The following LPCAT1 variants were observed in gnomAD, a reference collection of about 807,000 sequenced individuals.
The protein encoded by LPCAT1 is 1-acylglycerol-3-phosphate O-acyltransferase.
A neutral mutation model predicts 60.9 loss-of-function variants in LPCAT1; 23 were observed. That is an observed-to-expected ratio of 0.38 (90% CI 0.27 to 0.53). The LOEUF (loss-of-function observed/expected upper bound fraction) is 0.53. Ranked by LOEUF, LPCAT1 falls within the 20% of genes least tolerant of loss-of-function variation. The pLI, the probability that LPCAT1 is intolerant of heterozygous loss-of-function variation, is 0.82. For synonymous variants in LPCAT1, 340 were observed against 301.1 expected, an observed-to-expected ratio of 1.13 and a Z score of -1.34; for missense variants, 622 against 723.6, an observed-to-expected ratio of 0.86 and a Z score of 1.61.
intron 2 of LPCAT1, among the ~76,000 whole-genome samples, chr5:1,499,260 C>T (rs1735919385): frequency 6.6e-6 from 1 of 152,220 alleles, no homozygotes; most frequent in Admixed American, 6.5e-5. Flanking sequence ...TCGCACGGGG[C>T]TCCTGCCTCC....
Position 1,466,786 on chromosome 5 carries a change from T to C in LPCAT1, c.1383A>G (p.Arg461=). The change falls in exon 13 of 14, where the codon CGA becomes CGG. Residue 461 remains arginine (R), a synonymous_variant. Transcript: ENST00000283415. ...TCCCCTTCTCCTCTTGGTCAATGGC[T>C]CGGAATAGGTCGGTCACGGTGAGCT... The part of the protein sequence containing the change: ...VAELTVTDLF[R]AIDQEEKGKI... 6.2e-7 allele frequency: 1 copy of C among 1,612,708 alleles called. No homozygotes were observed. Among genetic ancestry groups the C allele is most frequent in the South Asian group, 1.1e-5 (1 of 90,890 alleles).
chr5:1,475,823 C>T (rs934073631), intron 9 of LPCAT1, among the ~76,000 whole-genome samples: 2 of 101,060 alleles, frequency 2.0e-5, no homozygotes, highest in Non-Finnish European at 4.9e-5. Context: ...TGCACGGCCC[C>T]GCCCAGGCCC....
intron 9 of LPCAT1, 74 bp from the exon 10 acceptor site, chr5:1,474,759 C>A: frequency 2.6e-6 from 4 of 1,543,174 alleles, no homozygotes; most frequent in Non-Finnish European, 3.5e-6. Context: ...AGAATAACCG[C>A]CGATGGCTCA....
intron 3 of LPCAT1, among the ~76,000 whole-genome samples, chr5:1,491,532 T>C (rs912563264): frequency 1.3e-5 from 2 of 152,076 alleles, no homozygotes; most frequent in African/African-American, 2.4e-5. Context: ...AGTGAAGTCT[T>C]GGGCCGTGCG....
At chr5:1,511,193 C>T (rs956704389) in intron 1 of LPCAT1, among the ~76,000 whole-genome samples, 1 of 152,216 alleles carries the variant, frequency 6.6e-6, no homozygotes, top group South Asian at 2.1e-4. Flanking sequence ...ACAGCACCTC[C>T]GACTGCGACC....
At chr5:1,484,493 G>C (rs1244968028) in intron 5 of LPCAT1, among the ~76,000 whole-genome samples, 1 of 152,222 alleles carries the variant, frequency 6.6e-6, no homozygotes, top group Admixed American at 6.5e-5. Flanking sequence ...CTGAGGCCAG[G>C]CGAGTGAATC....
chr5:1,504,714 CAAA>C (rs11463524), intron 1 of LPCAT1, among the ~76,000 whole-genome samples: 1 of 102,066 alleles, frequency 9.8e-6, no homozygotes, highest in Non-Finnish European at 2.2e-5. Flanking sequence ...ATCTCCGTCC[CAAA>C]AAAAAAAAAA....
rs1736745088 is a variant in LPCAT1, at chr5:1,523,669, G to T, written c.135+41C>A. The T allele has an allele frequency of 1.9e-6, 2 of 1,067,690 alleles. No homozygotes were observed. Among genetic ancestry groups the T allele is most frequent in the East Asian group, 6.6e-5 (1 of 15,086 alleles). 66.1% of individuals were successfully genotyped at this position (1,067,690 alleles called of 1,614,324 possible). On this transcript the variant is annotated intron_variant, in intron 1 of 13. Transcript: ENST00000283415. The surrounding 1 kb of genome is among the most constrained non-coding windows in gnomAD (Gnocchi z 7.1). Reference sequence around the variant, plus strand: ...CCTCCCTGGCCCCAGCATCCCTGGCGTCCGCGCCGGCTCCCGGGGCCGCGC... The same window carrying T: ...CCTCCCTGGCCCCAGCATCCCTGGCTTCCGCGCCGGCTCCCGGGGCCGCGC...
chr5:1,514,639 C>T (rs1301886295), intron 1 of LPCAT1, among the ~76,000 whole-genome samples: 1 of 152,206 alleles, frequency 6.6e-6, no homozygotes, highest in Non-Finnish European at 1.5e-5. Context: ...GCCGCCAGGC[C>T]GAGGTCTGCA....
At position 1,515,432 on chromosome 5, in the gene LPCAT1, G is replaced by A. The variant is rs532776879; in HGVS notation, c.135+8278C>T. On this transcript the variant is annotated intron_variant, in intron 1 of 13. Transcript: ENST00000283415. ...CTGTACACCCTGCGCCACACTACCCGCAAATACAAGGTCCCCCACCTCCCC... is the reference window on the plus strand; with the variant it reads ...CTGTACACCCTGCGCCACACTACCCACAAATACAAGGTCCCCCACCTCCCC... Among the ~76,000 whole-genome samples, 235 of 148,760 alleles carry A rather than the reference G, an allele frequency of 1.6e-3. 3 individuals carry two copies. The highest frequency in any genetic ancestry group is 3.6e-3 in the South Asian group (17 of 4,682).
At position 1,495,317 on chromosome 5, in the gene LPCAT1, G is replaced by A. The variant is rs927603066; in HGVS notation, c.279-403C>T. Reference sequence around the variant, plus strand: ...GGAAAAACATTAAAACACCTAAAACGCATATCGCAATATGGGGGGGGGGGC... The same window carrying A: ...GGAAAAACATTAAAACACCTAAAACACATATCGCAATATGGGGGGGGGGGC... On this transcript the variant is annotated intron_variant, in intron 2 of 13. Transcript: ENST00000283415. The surrounding 1 kb of genome is among the most constrained non-coding windows in gnomAD (Gnocchi z 4.7). 8.3e-6 allele frequency among the ~76,000 whole-genome samples: 1 copy of A among 120,944 alleles called. No homozygotes were observed. Among genetic ancestry groups the A allele is most frequent in the African/African-American group, 3.4e-5 (1 of 29,754 alleles). 79.3% of individuals were successfully genotyped at this position (120,944 alleles called of 152,430 possible).
At position 1,487,027 on chromosome 5, in the gene LPCAT1, G is replaced by A. The variant is rs1735396404; in HGVS notation, c.667+1364C>T. Among the ~76,000 whole-genome samples, 4 of 152,184 alleles carry A rather than the reference G, an allele frequency of 2.6e-5. No individual in the cohort carries two copies. In the East Asian group the frequency reaches 7.7e-4, roughly 29 times the overall value. ...CACGCCCTCCTCACGTCTACACAAG[G>A]GCCGCCAGCTCCAAAGGGCAAGGCG... On this transcript the variant is annotated intron_variant, in intron 5 of 13. Transcript: ENST00000283415. The surrounding 1 kb of genome is among the most constrained non-coding windows in gnomAD (Gnocchi z 6.1).
chr5:1,491,205 A>G (rs1463510957), intron 3 of LPCAT1, among the ~76,000 whole-genome samples: 1 of 100,260 alleles, frequency 1.0e-5, no homozygotes, highest in Non-Finnish European at 2.4e-5. Context: ...CAACTCTGCT[A>G]AAAAGGACGA....
intron 2 of LPCAT1, among the ~76,000 whole-genome samples, chr5:1,498,942 C>CA (rs1735908798): frequency 6.6e-6 from 1 of 151,516 alleles, no homozygotes; most frequent in Non-Finnish European, 1.5e-5. Context: ...CACATACACA[C>CA]CCTCTCTGCA....
In LPCAT1 at chr5:1,487,278, G is replaced by T. The variant is rs1735406036; in HGVS notation, c.667+1113C>A. Among the ~76,000 whole-genome samples the T allele has an allele frequency of 6.6e-6, 1 of 152,214 alleles. No individual in the cohort carries two copies. Among genetic ancestry groups the T allele is most frequent in the African/African-American group, 2.4e-5 (1 of 41,456 alleles). ...CGCCCAGGCACGGACCCAGTGTGGT[G>T]GGGGCACACGGATTCGTGGTCACCG... is the stretch of plus-strand genomic sequence containing the variant. On this transcript the variant is annotated intron_variant, in intron 5 of 13. Coordinates refer to ENST00000283415, the MANE Select transcript of LPCAT1 (RefSeq NM_024830.5). The surrounding 1 kb of genome is among the most constrained non-coding windows in gnomAD (Gnocchi z 6.1).
At position 1,480,973 on chromosome 5, in the gene LPCAT1, T is replaced by A; in HGVS notation, c.730A>T (p.Thr244Ser). ...VVLRYPNKLD[T>S]ITWTWQGPGA... ...GGTCCTTGCCACGTCCATGTGATGGTGTCCTGGGGAGGAAGAGGCAGGGTC... is the reference window on the plus strand; with the variant it reads ...GGTCCTTGCCACGTCCATGTGATGGAGTCCTGGGGAGGAAGAGGCAGGGTC... Residue 244 changes from threonine to serine, a missense_variant, in exon 7 of 14, where the codon ACC becomes TCC. Physicochemically the swap from Thr to Ser is moderately conservative, Grantham distance 58. Around this residue, in one of 3 missense-constraint regions of LPCAT1, gnomAD observed 209 missense variants for 325.5 expected, o/e 0.64. Coordinates refer to ENST00000283415, the MANE Select transcript of LPCAT1 (RefSeq NM_024830.5). The surrounding 1 kb of genome is among the most constrained non-coding windows in gnomAD (Gnocchi z 6.4). The A allele has an allele frequency of 6.2e-7, 1 of 1,613,736 alleles. No homozygotes were observed. Among genetic ancestry groups the A allele is most frequent in the Non-Finnish European group, 8.5e-7 (1 of 1,179,990 alleles).
At chr5:1,479,817 G>C in intron 7 of LPCAT1, 142 bp from the exon 8 acceptor site, 2 of 669,624 alleles carry the variant, frequency 3.0e-6, no homozygotes, top group South Asian at 3.3e-5. Context: ...AGGGGGTGCC[G>C]TGCCCACCCA....
In LPCAT1 at chr5:1,463,353, G is replaced by T; in HGVS notation, c.*298C>A. 2.8e-6 allele frequency: 1 copy of T among 361,012 alleles called. No homozygotes were observed. Among genetic ancestry groups the T allele is most frequent in the Non-Finnish European group, 5.0e-6 (1 of 198,834 alleles). The allele number at this position is 361,012 out of a possible 1,614,324, so 22.4% of individuals were successfully genotyped here. On this transcript the variant is annotated 3_prime_UTR_variant, in exon 14 of 14. Transcript: ENST00000283415. Reference sequence around the variant, plus strand: ...CAGAGACTCGAAACCAGGGCCCCGTGGGAGAACACGGGGCGGCACCGGTGC... The same window carrying T: ...CAGAGACTCGAAACCAGGGCCCCGTTGGAGAACACGGGGCGGCACCGGTGC...
intron 1 of LPCAT1, among the ~76,000 whole-genome samples, chr5:1,512,777 G>A (rs1209562697): frequency 6.6e-6 from 1 of 152,230 alleles, no homozygotes; most frequent in Admixed American, 6.5e-5. Context: ...TGGTGCTGTT[G>A]GAAAGTAACC....
Sources: allele counts gnomAD v4.1 joint callset (sites outside exome capture counted in the v4.1 genomes callset), GRCh38; gene constraint gnomAD v4.1.1; regional missense constraint gnomAD v4.1.1; non-coding constraint Gnocchi (gnomAD v3.1); transcripts MANE v1.5; gene names NCBI Gene and HGNC (gene_info 2026-07-23, HGNC 2026-07-21).